Variants in SYT1 observed in about 807,000 individuals in gnomAD.
The protein encoded by SYT1 is synaptotagmin 1.
A neutral mutation model predicts 44.8 loss-of-function variants in SYT1; 8 were observed. That is an observed-to-expected ratio of 0.18 (90% CI 0.10 to 0.32). The LOEUF is 0.32. Among genes scored for constraint, SYT1 ranks in the 10% least tolerant of loss-of-function variants. The pLI is 1.00. For synonymous variants in SYT1, 154 were observed against 188.8 expected (o/e 0.82, Z 1.51); for missense variants, 286 against 509.3 (o/e 0.56, Z 4.22).
intron 3 of SYT1, among the ~76,000 whole-genome samples, chr12:79,196,663 T>TTCAGA (rs1198312959): frequency 1.3e-5 from 2 of 152,302 alleles, no homozygotes; most frequent in East Asian, 3.9e-4. Context: ...GGAAGAAAGC[T>TTCAGA]TCAGATCAGA....
In SYT1 at chr12:79,052,074, G is replaced by T. The variant is rs546481810; in HGVS notation, c.-18+4712G>T. Among the ~76,000 whole-genome samples, 7 of 152,198 alleles carry T rather than the reference G, an allele frequency of 4.6e-5. No homozygotes were observed. In the East Asian group the frequency reaches 1.4e-3, roughly 29 times the overall value. Reference sequence around the variant, plus strand: ...TTCCAATTCTGTGAAGAAAGTCATTGGTAGCTTGATGGGGATGGCATTGAA... The same window carrying T: ...TTCCAATTCTGTGAAGAAAGTCATTTGTAGCTTGATGGGGATGGCATTGAA... On this transcript the variant is annotated intron_variant, in intron 3 of 10. Coordinates refer to ENST00000261205, the MANE Select transcript of SYT1 (RefSeq NM_005639.3).
chr12:79,069,150 G>T (rs536046172), intron 3 of SYT1, among the ~76,000 whole-genome samples: 2 of 152,264 alleles, frequency 1.3e-5, no homozygotes, highest in East Asian at 3.9e-4. Flanking sequence ...TTTTTCAGAA[G>T]AGAGAGAACA....
chr12:79,310,629 G>A (rs549472965), intron 8 of SYT1, among the ~76,000 whole-genome samples: 2 of 152,170 alleles, frequency 1.3e-5, no homozygotes, highest in Admixed American at 1.3e-4. Context: ...TCATGATATT[G>A]ATTCTTCCTA....
At chr12:79,303,244 G>C (rs1434327188) in intron 8 of SYT1, among the ~76,000 whole-genome samples, 1 of 151,768 alleles carries the variant, frequency 6.6e-6, no homozygotes, top group Non-Finnish European at 1.5e-5. Flanking sequence ...TCTCAGTTCT[G>C]CACCCCAGGA....
intron 3 of SYT1, among the ~76,000 whole-genome samples, chr12:79,093,280 C>T (rs746592929): frequency 1.3e-5 from 2 of 151,628 alleles, no homozygotes; most frequent in Admixed American, 6.6e-5. Context: ...AGGTTCGAAG[C>T]ATTCGATCAA....
rs988385598 is a variant in SYT1 at position 78,870,752 on chromosome 12, C to T, written c.-217+5643C>T. On this transcript the variant is annotated intron_variant, in intron 1 of 10. Coordinates refer to ENST00000261205, the MANE Select transcript of SYT1 (RefSeq NM_005639.3). Reference sequence around the variant, plus strand: ...CTCTTGTTTTACTTGAGGCTCATTTCCGCTGGGCCATCCTCCTTGCATGTC... The same window carrying T: ...CTCTTGTTTTACTTGAGGCTCATTTTCGCTGGGCCATCCTCCTTGCATGTC... Among the ~76,000 whole-genome samples the T allele has an allele frequency of 1.2e-4, 18 of 152,078 alleles. 1 individual carries two copies. The highest frequency in any genetic ancestry group is 2.6e-4 in the Admixed American group (4 of 15,266).
intron 4 of SYT1, among the ~76,000 whole-genome samples, chr12:79,266,155 A>G (rs1160196010): frequency 6.6e-6 from 1 of 152,188 alleles, no homozygotes; most frequent in African/African-American, 2.4e-5. Flanking sequence ...TTTTCTAAAG[A>G]CTTAGCATGT....
intron 3 of SYT1, among the ~76,000 whole-genome samples, chr12:79,115,859 T>G (rs1039715443): frequency 6.6e-6 from 1 of 152,192 alleles, no homozygotes; most frequent in African/African-American, 2.4e-5. Flanking sequence ...TAGGGTTGCT[T>G]TGAATATTTC....
intron 9 of SYT1, among the ~76,000 whole-genome samples, chr12:79,419,020 G>A (rs943626203): frequency 9.2e-5 from 14 of 152,234 alleles, no homozygotes; most frequent in Non-Finnish European, 1.8e-4. Context: ...CTGATAGAGG[G>A]TAGTACCTTC....
At chr12:79,273,955 G>A (rs577628256) in intron 4 of SYT1, among the ~76,000 whole-genome samples, 96 of 152,292 alleles carry the variant, frequency 6.3e-4, no homozygotes, top group African/African-American at 2.2e-3. Flanking sequence ...GTGGTGGCAC[G>A]CACTGGTAGT....
In SYT1 at chr12:79,234,475, T is replaced by G. The variant is rs553794218; in HGVS notation, c.166+16790T>G. Among the ~76,000 whole-genome samples, 4 of 152,350 alleles carry G rather than the reference T, an allele frequency of 2.6e-5. No homozygotes were observed. In the East Asian group the frequency reaches 5.8e-4, roughly 22 times the overall value. On this transcript the variant is annotated intron_variant, in intron 4 of 10. Transcript: ENST00000261205. Reference sequence around the variant, plus strand: ...CTGCTTTTCTGTTATTACAAATTAGTTATAACTGTTCCAGCATTTCACTAA... The same window carrying G: ...CTGCTTTTCTGTTATTACAAATTAGGTATAACTGTTCCAGCATTTCACTAA...
chr12:78,994,884 G>C (rs185201651), intron 2 of SYT1, among the ~76,000 whole-genome samples: 17 of 152,184 alleles, frequency 1.1e-4, no homozygotes, highest in Admixed American at 9.8e-4. Context: ...CAATGCTGCA[G>C]AGTTTCTGTT....
intron 10 of SYT1, among the ~76,000 whole-genome samples, chr12:79,447,585 T>C (rs1270600281): frequency 6.6e-6 from 1 of 152,214 alleles, no homozygotes; most frequent in Admixed American, 6.5e-5. Context: ...TTGTGTGTCA[T>C]GTCCCCCACC....
intron 3 of SYT1, among the ~76,000 whole-genome samples, chr12:79,129,095 C>T (rs901436319): frequency 6.6e-6 from 1 of 152,146 alleles, no homozygotes; most frequent in African/African-American, 2.4e-5. Flanking sequence ...GGTATCCCTT[C>T]CCTCTCCTTT....
chr12:78,968,487 A>G (rs1868300745), intron 1 of SYT1, among the ~76,000 whole-genome samples: 1 of 152,206 alleles, frequency 6.6e-6, no homozygotes, highest in Admixed American at 6.5e-5. Context: ...GAGGATGTAT[A>G]TTCTACACTA....
chr12:79,346,334 G>GA (rs1176305192), intron 8 of SYT1, among the ~76,000 whole-genome samples: 1 of 152,080 alleles, frequency 6.6e-6, no homozygotes, highest in Admixed American at 6.6e-5. Context: ...TAAAAATAAT[G>GA]AAATTATCAA....
At chr12:79,404,042 T>C (rs984548033) in intron 9 of SYT1, among the ~76,000 whole-genome samples, 1 of 152,216 alleles carries the variant, frequency 6.6e-6, no homozygotes, top group Admixed American at 6.5e-5. Flanking sequence ...GGATCTATTT[T>C]ACTCTTATAA....
intron 1 of SYT1, among the ~76,000 whole-genome samples, chr12:78,893,598 A>C (rs1434820406): frequency 6.6e-6 from 1 of 151,734 alleles, no homozygotes; most frequent in African/African-American, 2.4e-5. Flanking sequence ...CAAGTCTTCT[A>C]TTTGAATAAA....
At chr12:78,898,314 G>T (rs1173219496) in intron 1 of SYT1, among the ~76,000 whole-genome samples, 1 of 152,006 alleles carries the variant, frequency 6.6e-6, no homozygotes, top group Admixed American at 6.6e-5. Flanking sequence ...TGTTATCTTA[G>T]ATAGGTTGTC....
Sources: allele counts gnomAD v4.1 joint callset (sites outside exome capture counted in the v4.1 genomes callset), GRCh38; gene constraint gnomAD v4.1.1; transcripts MANE v1.5; gene names NCBI Gene and HGNC (gene_info 2026-07-23, HGNC 2026-07-21).